The following ASTN2 variants were observed in gnomAD, a reference collection of about 807,000 sequenced individuals.
The protein encoded by ASTN2 is astrotactin-2.
A neutral mutation model predicts 139.8 loss-of-function variants in ASTN2; 54 were observed. That is an observed-to-expected ratio of 0.39 (90% CI 0.31 to 0.48). ASTN2 has a LOEUF of 0.48. ASTN2 is among the 20% of genes least tolerant of loss of function. ASTN2 has a pLI of 0.95. For missense variants in ASTN2, 1,565 were observed against 1,725.1 expected (o/e 0.91, Z 1.64); for synonymous variants, 756 against 719.5 (o/e 1.05, Z -0.81).
At chr9:117,026,301 C>G (rs962905783) in intron 6 of ASTN2, among the ~76,000 whole-genome samples, 1 of 151,944 alleles carries the variant, frequency 6.6e-6, no homozygotes, top group South Asian at 2.1e-4. Context: ...TTTTAGCATC[C>G]CCATTTTTCA....
At chr9:116,985,990 A>G (rs1836667318) in intron 7 of ASTN2, among the ~76,000 whole-genome samples, 1 of 152,200 alleles carries the variant, frequency 6.6e-6, no homozygotes, top group African/African-American at 2.4e-5. Flanking sequence ...GGGCCTCATC[A>G]GAAAACGGGC....
chr9:116,998,521 T>G (rs1001735761), intron 7 of ASTN2, among the ~76,000 whole-genome samples: 1 of 146,498 alleles, frequency 6.8e-6, no homozygotes, highest in South Asian at 2.2e-4. Context: ...GAACAAGCCT[T>G]GACACTTTAG....
At chr9:117,210,500 G>T (rs190796989) in intron 3 of ASTN2, among the ~76,000 whole-genome samples, 11 of 152,102 alleles carry the variant, frequency 7.2e-5, no homozygotes, top group Admixed American at 1.3e-4. Flanking sequence ...CAACAAAATT[G>T]AACCACAAAG....
intron 1 of ASTN2, among the ~76,000 whole-genome samples, chr9:117,296,428 T>G (rs753776363): frequency 2.9e-4 from 44 of 152,280 alleles, no homozygotes; most frequent in Non-Finnish European, 5.0e-4. Flanking sequence ...ACCAGTCCTG[T>G]GTCCCTTAAA....
At chr9:116,604,065 C>CTGAGG (rs1855057832) in intron 19 of ASTN2, among the ~76,000 whole-genome samples, 1 of 152,176 alleles carries the variant, frequency 6.6e-6, no homozygotes, top group Non-Finnish European at 1.5e-5. Context: ...ACCCACCATA[C>CTGAGG]TATCCCAGCA....
At chr9:116,440,534 A>T in intron 22 of ASTN2, 75 bp downstream of exon 22, 1 of 1,412,990 alleles carries the variant, frequency 7.1e-7, no homozygotes, top group African/African-American at 1.4e-5. Flanking sequence ...GTCTCAGCCT[A>T]TGGGGAAAGG....
chr9:116,455,250 G>A (rs534655139), intron 20 of ASTN2, among the ~76,000 whole-genome samples: 1 of 151,714 alleles, frequency 6.6e-6, no homozygotes, highest in South Asian at 2.1e-4. Flanking sequence ...TCAGAAGGCT[G>A]AGGCAGGAGA....
chr9:116,501,844 A>C (rs1278153829), intron 19 of ASTN2, among the ~76,000 whole-genome samples: 3 of 151,330 alleles, frequency 2.0e-5, no homozygotes. Flanking sequence ...CTAAAACTTA[A>C]AGTATAATAA....
chr9:117,067,488 G>A (rs1267728000), intron 5 of ASTN2, among the ~76,000 whole-genome samples: 1,222 of 114,820 alleles, frequency 0.011, 35 homozygotes, highest in African/African-American at 0.036. Flanking sequence ...TTGGCGATGC[G>A]GGCTCTTTTT....
intron 2 of ASTN2, among the ~76,000 whole-genome samples, chr9:117,233,720 T>A (rs965071469): frequency 3.9e-5 from 6 of 152,112 alleles, no homozygotes; most frequent in Non-Finnish European, 4.4e-5. Flanking sequence ...GGAATTGCAC[T>A]TATGGCAGAG....
intron 16 of ASTN2, among the ~76,000 whole-genome samples, chr9:116,674,278 C>T (rs1267478050): frequency 6.6e-6 from 1 of 152,204 alleles, no homozygotes; most frequent in Non-Finnish European, 1.5e-5. Context: ...ACCCCAGCTG[C>T]ATGACAGATG....
intron 19 of ASTN2, among the ~76,000 whole-genome samples, chr9:116,590,346 T>C (rs1854329764): frequency 6.6e-6 from 1 of 152,192 alleles, no homozygotes; most frequent in Non-Finnish European, 1.5e-5. Flanking sequence ...AAAGTTGAGG[T>C]TGGGCCCAGG....
intron 13 of ASTN2, among the ~76,000 whole-genome samples, chr9:116,793,735 GA>G (rs1830614966): frequency 3.9e-5 from 6 of 152,162 alleles, no homozygotes; most frequent in Admixed American, 3.9e-4. Flanking sequence ...TTGAAATACA[GA>G]GCCTCAGAAT....
intron 16 of ASTN2, among the ~76,000 whole-genome samples, chr9:116,661,504 A>C (rs886550889): frequency 6.6e-6 from 1 of 152,176 alleles, no homozygotes; most frequent in African/African-American, 2.4e-5. Flanking sequence ...AATTTGTTTC[A>C]ATCCTTGTGG....
At chr9:116,822,557 T>C (rs1462398210) in intron 11 of ASTN2, among the ~76,000 whole-genome samples, 3 of 152,148 alleles carry the variant, frequency 2.0e-5, no homozygotes, top group Admixed American at 1.3e-4. Context: ...TCGCGGAGCA[T>C]GTTGAAAAGA....
At chr9:117,142,544 C>G (rs966586526) in intron 3 of ASTN2, among the ~76,000 whole-genome samples, 4 of 152,204 alleles carry the variant, frequency 2.6e-5, no homozygotes, top group Admixed American at 6.5e-5. Context: ...CCTTCTAACA[C>G]CTTGTCCAAT....
chr9:117,004,990 G>A (rs12686071), intron 7 of ASTN2, among the ~76,000 whole-genome samples: 9,443 of 151,092 alleles, frequency 0.062, 377 homozygotes, highest in East Asian at 0.21. Context: ...TGTCTCATGG[G>A]TTTAAATGTC....
At chr9:117,017,304 GACCC>G (rs1474135740) in intron 6 of ASTN2, among the ~76,000 whole-genome samples, 1 of 152,000 alleles carries the variant, frequency 6.6e-6, no homozygotes, top group Non-Finnish European at 1.5e-5. Flanking sequence ...TTAGGCATCA[GACCC>G]AATTTTAGTG....
intron 19 of ASTN2, among the ~76,000 whole-genome samples, chr9:116,500,497 C>G (rs1369216500): frequency 1.3e-5 from 2 of 152,180 alleles, no homozygotes; most frequent in African/African-American, 4.8e-5. Flanking sequence ...TTACAGCCAC[C>G]CCCTGCAGTG....
Sources: allele counts gnomAD v4.1 joint callset (sites outside exome capture counted in the v4.1 genomes callset), GRCh38; gene constraint gnomAD v4.1.1; transcripts MANE v1.5; gene names NCBI Gene and HGNC (gene_info 2026-07-23, HGNC 2026-07-21).